MYADM: variants seen among roughly 807,000 people sequenced by gnomAD.
MYADM encodes the protein myeloid associated differentiation marker.
For missense variants in MYADM, 416 were observed against 443.4 expected, an observed-to-expected ratio of 0.94 and a Z score of 0.56; for synonymous variants, 224 against 210.2, an observed-to-expected ratio of 1.07 and a Z score of -0.57.
chr19:53,874,251 C>T lies in MYADM; in HGVS notation c.722C>T (p.Ser241Leu), dbSNP rs778294247. 3.7e-6 allele frequency: 6 copies of T among 1,609,588 alleles called. No homozygotes were observed. The highest frequency in any genetic ancestry group is 1.1e-5 in the South Asian group (1 of 90,650). Residue 241 changes from serine to leucine, a missense_variant, in exon 3 of 3, where the codon TCG becomes TTG. By Grantham distance (145) the Ser-to-Leu change is moderately radical (BLOSUM62 -2). Coordinates refer to ENST00000391770, the MANE Select transcript of MYADM (RefSeq NM_138373.5). The stretch of plus-strand genomic sequence containing the variant: ...CCCATCCCCTTCCCCAGCTTCCTGT[C>T]GGGGCTGGCCTTGCTGTCTGTCCTC... ...VLPIPFPSFL[S>L]GLALLSVLLY...
upstream of MYADM, chr19:53,865,824 G>C (rs2122880011): frequency 6.6e-6 from 1 of 152,236 alleles, no homozygotes; most frequent in East Asian, 1.9e-4. Flanking sequence ...GCAGGAAGGG[G>C]AAAGATTTGC....
chr19:53,872,560 T>G (rs1313021771), intron 2 of MYADM, among the ~76,000 whole-genome samples: 1 of 151,690 alleles, frequency 6.6e-6, no homozygotes. Context: ...CAGGCTGGAG[T>G]GCACTGGTGC....
Position 53,876,113 on chromosome 19 carries a change from T to G in MYADM, c.*1615T>G, listed in dbSNP as rs1348461297. Reference sequence around the variant, plus strand: ...AAGTTTGTTTTCAGCTGTTCTCTTTTGCCCGTAGGTGGGAGGGTGGGGATT... The same window carrying G: ...AAGTTTGTTTTCAGCTGTTCTCTTTGGCCCGTAGGTGGGAGGGTGGGGATT... On this transcript the variant is annotated 3_prime_UTR_variant, in exon 3 of 3. Transcript: ENST00000391770. 1 of 167,000 alleles carries G rather than the reference T, an allele frequency of 6.0e-6. No individual in the cohort carries two copies. Among genetic ancestry groups the G allele is most frequent in the African/African-American group, 2.4e-5 (1 of 41,440 alleles). The allele number at this position is 167,000 out of a possible 1,614,324, so 10.3% of individuals were successfully genotyped here. A position where few individuals can be genotyped will look rare whatever the true frequency, so the allele number is the denominator to read the frequency against.
Position 53,874,264 on chromosome 19 carries a change from G to A in MYADM, c.735G>A (p.Leu245=), listed in dbSNP as rs780654913. 6.2e-7 allele frequency: 1 copy of A among 1,609,616 alleles called. No homozygotes were observed. The highest frequency in any genetic ancestry group is 1.3e-5 in the African/African-American group (1 of 74,894). ...PFPSFLSGLA[L]LSVLLYATAL... ...CCAGCTTCCTGTCGGGGCTGGCCTTGCTGTCTGTCCTCCTCTATGCCACCG... is the reference window on the plus strand; with the variant it reads ...CCAGCTTCCTGTCGGGGCTGGCCTTACTGTCTGTCCTCCTCTATGCCACCG... The change falls in exon 3 of 3, where the codon TTG becomes TTA. Residue 245 remains leucine, a synonymous_variant. Coordinates refer to ENST00000391770, the MANE Select transcript of MYADM (RefSeq NM_138373.5).
chr19:53,873,516 C>T lies in MYADM; in HGVS notation c.-2-12C>T, dbSNP rs760510633. 27 of 1,588,774 alleles carry T rather than the reference C, an allele frequency of 1.7e-5. No individual in the cohort carries two copies. Among genetic ancestry groups the T allele is most frequent in the Non-Finnish European group, 2.2e-5 (26 of 1,166,164 alleles). On this transcript the variant is annotated splice_polypyrimidine_tract_variant and intron_variant, in intron 2 of 2. Transcript: ENST00000391770. The surrounding 1 kb of genome is among the most constrained non-coding windows in gnomAD (Gnocchi z 4.3). ...TGACTGTATAAGGACACTGTCTTTC[C>T]CCTTTTTGCAGCCATGCCAGTGACG...
chr19:53,867,562 G>T (rs2068263593), upstream of MYADM, among the ~76,000 whole-genome samples: 1 of 152,106 alleles, frequency 6.6e-6, no homozygotes, highest in Non-Finnish European at 1.5e-5. Flanking sequence ...TGGCCTACCC[G>T]GGAGACTCCT....
rs766380194 is a variant in MYADM, at chr19:53,874,226, C to T, written c.697C>T (p.Pro233Ser). The T allele has an allele frequency of 6.2e-7, 1 of 1,611,956 alleles. No homozygotes were observed. Among genetic ancestry groups the T allele is most frequent in the Non-Finnish European group, 8.5e-7 (1 of 1,178,468 alleles). The change falls in exon 3 of 3, where the codon CCC (proline) becomes TCC (serine). Residue 233 changes from proline (P) to serine (S), a missense_variant. By Grantham distance (74) the Pro-to-Ser change is moderately conservative (BLOSUM62 -1). Coordinates refer to ENST00000391770, the MANE Select transcript of MYADM (RefSeq NM_138373.5). ...LNLGECTNVLPIPFPSFLSGL... is the reference protein window; with the variant it reads ...LNLGECTNVLSIPFPSFLSGL... ...CCTGGGGGAGTGCACCAACGTGCTA[C>T]CCATCCCCTTCCCCAGCTTCCTGTC...
chr19:53,876,261 GATAT>G lies in MYADM; in HGVS notation c.*1781_*1784del, dbSNP rs4023843. 8.7e-3 allele frequency: 1,305 copies of G among 149,784 alleles called. 1 individual carries two copies. Among genetic ancestry groups the G allele is most frequent in the East Asian group, 0.011 (55 of 4,932 alleles). 9.3% of individuals were successfully genotyped at this position (149,784 alleles called of 1,614,324 possible). ...TGTCTGGGACTCACATACATAACGT[GATAT>G]ATATATATATATATATAAATGTATA... is the stretch of plus-strand genomic sequence containing the variant. On this transcript the variant is annotated 3_prime_UTR_variant, in exon 3 of 3. Coordinates refer to ENST00000391770, the MANE Select transcript of MYADM (RefSeq NM_138373.5).
chr19:53,869,564 A>G (rs549773452), intron 1 of MYADM, 190 bp from the exon 2 acceptor site: 2 of 152,502 alleles, frequency 1.3e-5, no homozygotes, highest in East Asian at 3.9e-4. Flanking sequence ...CGGGGCGTGC[A>G]CTTTCGCTGG....
At position 53,874,249 on chromosome 19, in the gene MYADM, G is replaced by T; in HGVS notation, c.720G>T (p.Leu240=). 6.2e-7 allele frequency: 1 copy of T among 1,610,154 alleles called. No individual in the cohort carries two copies. Among genetic ancestry groups the T allele is most frequent in the Non-Finnish European group, 8.5e-7 (1 of 1,177,346 alleles). ...NVLPIPFPSF[L]SGLALLSVLL... ...TACCCATCCCCTTCCCCAGCTTCCT[G>T]TCGGGGCTGGCCTTGCTGTCTGTCC... is the stretch of plus-strand genomic sequence containing the variant. The change falls in exon 3 of 3, where the codon CTG becomes CTT. Residue 240 remains leucine, a synonymous_variant. Coordinates refer to ENST00000391770, the MANE Select transcript of MYADM (RefSeq NM_138373.5).
chr19:53,866,874 G>C (rs1445316496), upstream of MYADM, among the ~76,000 whole-genome samples: 1 of 152,070 alleles, frequency 6.6e-6, no homozygotes. The surrounding 1 kb of genome is among the most constrained non-coding windows in gnomAD (Gnocchi z 4.3). Flanking sequence ...ATGTTGCCCA[G>C]GCTGGTCTCG....
upstream of MYADM, among the ~76,000 whole-genome samples, chr19:53,866,575 G>T (rs2068248983): frequency 6.6e-6 from 1 of 152,158 alleles, no homozygotes; most frequent in African/African-American, 2.4e-5. The surrounding 1 kb of genome is among the most constrained non-coding windows in gnomAD (Gnocchi z 4.3). Flanking sequence ...AACACACCCT[G>T]CATCCCTTCC....
chr19:53,871,244 A>G (rs912864557), intron 2 of MYADM, among the ~76,000 whole-genome samples: 1 of 152,032 alleles, frequency 6.6e-6, no homozygotes, highest in Non-Finnish European at 1.5e-5. Flanking sequence ...AACAACAACC[A>G]AAAAACAGGA....
chr19:53,867,378 T>C (rs2068260251), upstream of MYADM, among the ~76,000 whole-genome samples: 2 of 150,416 alleles, frequency 1.3e-5, no homozygotes, highest in Non-Finnish European at 3.0e-5. Flanking sequence ...GCGACCCAGG[T>C]GTCTAAGGTT....
At chr19:53,871,952 G>A (rs547857783) in intron 2 of MYADM, among the ~76,000 whole-genome samples, 2 of 152,086 alleles carry the variant, frequency 1.3e-5, no homozygotes, top group South Asian at 4.1e-4. Context: ...GGGCTGGAGT[G>A]CAGTGGCGCA....
chr19:53,868,108 G>A lies in MYADM; in HGVS notation c.-88+165G>A, dbSNP rs1439315997. 6.6e-6 allele frequency among the ~76,000 whole-genome samples: 1 copy of A among 152,144 alleles called. No homozygotes were observed. ...GAGAGGGCTGAGGACCTGGACTGTG[G>A]AGGTCATACGTCTGGAAGAGTGGGG... On this transcript the variant is annotated intron_variant, in intron 1 of 2. Transcript: ENST00000391770. The surrounding 1 kb of genome is among the most constrained non-coding windows in gnomAD (Gnocchi z 6.3).
At chr19:53,871,092 A>G (rs3916464) in intron 2 of MYADM, among the ~76,000 whole-genome samples, 28,355 of 152,150 alleles carry the variant, frequency 0.19, 6,103 homozygotes, top group African/African-American at 0.52. Flanking sequence ...TTAGCCGAGC[A>G]TGGTGGCACA....
intron 2 of MYADM, among the ~76,000 whole-genome samples, chr19:53,872,145 A>G (rs2068403178): frequency 6.6e-6 from 1 of 151,818 alleles, no homozygotes; most frequent in South Asian, 2.1e-4. Flanking sequence ...GTGATCTGCC[A>G]GCCTCGGCTT....
At chr19:53,872,776 C>CT (rs1467409607) in intron 2 of MYADM, 2 of 152,626 alleles carry the variant, frequency 1.3e-5, no homozygotes, top group African/African-American at 4.8e-5. Flanking sequence ...TCTTGGAGTG[C>CT]TGGGATTACA....
Sources: allele counts gnomAD v4.1 joint callset (sites outside exome capture counted in the v4.1 genomes callset), GRCh38; gene constraint gnomAD v4.1.1; non-coding constraint Gnocchi (gnomAD v3.1); transcripts MANE v1.5; gene names NCBI Gene and HGNC (gene_info 2026-07-23, HGNC 2026-07-21).